The following TESPA1 variants were observed in gnomAD, a reference collection of about 807,000 sequenced individuals.
TESPA1 encodes thymocyte expressed, positive selection associated 1.
TESPA1 carries 33 observed loss-of-function variants against 57.9 expected under a neutral mutation model. The observed-to-expected ratio is 0.57, with a 90% confidence interval of 0.43 to 0.76. TESPA1 has a LOEUF of 0.76. TESPA1 is among the 30% of genes least tolerant of loss of function. The pLI, the probability that TESPA1 is intolerant of heterozygous loss-of-function variation, is 0.00. For synonymous variants in TESPA1, 227 were observed against 228.9 expected (o/e 0.99, Z 0.07); for missense variants, 618 against 632.9 (o/e 0.98, Z 0.25).
At chr12:54,967,355 G>T in intron 4 of TESPA1, 119 bp from the exon 5 acceptor site, 1 of 1,132,904 alleles carries the variant, frequency 8.8e-7, no homozygotes, top group Non-Finnish European at 1.3e-6. Context: ...TGCACAACCA[G>T]ATAATCATAC....
intron 1 of TESPA1, among the ~76,000 whole-genome samples, chr12:54,979,686 AGTTAAGAGCT>A (rs1952245575): frequency 6.6e-6 from 1 of 152,214 alleles, no homozygotes; most frequent in Non-Finnish European, 1.5e-5. Context: ...AAGATGAGGG[AGTTAAGAGCT>A]GTGAAATGAG....
At chr12:54,976,176 C>T (rs1565171) in intron 1 of TESPA1, among the ~76,000 whole-genome samples, 1 of 151,970 alleles carries the variant, frequency 6.6e-6, no homozygotes, top group South Asian at 2.1e-4. Context: ...TCCATTAAAT[C>T]GTGATGTTTG....
chr12:54,961,060 A>T, intron 10 of TESPA1, 108 bp downstream of exon 10: 1 of 1,271,538 alleles, frequency 7.9e-7, no homozygotes, highest in South Asian at 1.3e-5. Context: ...TTAAATCAGA[A>T]TTACAGAATG....
At chr12:54,983,904 A>G (rs550347519) in intron 1 of TESPA1, 23 of 152,326 alleles carry the variant, frequency 1.5e-4, no homozygotes, top group African/African-American at 5.1e-4. Flanking sequence ...CAACACATCC[A>G]TCTATCTATC....
At chr12:54,953,030 A>T (rs2371051) in intron 10 of TESPA1, among the ~76,000 whole-genome samples, 31,052 of 151,394 alleles carry the variant, frequency 0.21, 5,410 homozygotes, top group East Asian at 0.84. Flanking sequence ...CTCTATTCCC[A>T]CTGCCTTCAG....
At chr12:54,958,590 T>C (rs146794241) in intron 10 of TESPA1, among the ~76,000 whole-genome samples, 2 of 152,304 alleles carry the variant, frequency 1.3e-5, no homozygotes, top group East Asian at 3.9e-4. Flanking sequence ...CAATTATTAT[T>C]GTTTCAGATA....
chr12:54,952,684 G>A (rs74700698), intron 10 of TESPA1, among the ~76,000 whole-genome samples: 2,674 of 152,242 alleles, frequency 0.018, 73 homozygotes, highest in African/African-American at 0.061. Flanking sequence ...TTCTCAAATA[G>A]TCTTTGGACC....
In TESPA1 at chr12:54,963,781, G is replaced by A. The variant is rs201890060; in HGVS notation, c.616C>T (p.Arg206Trp). 1.7e-4 allele frequency: 276 copies of A among 1,613,684 alleles called. No homozygotes were observed. The highest frequency in any genetic ancestry group is 1.3e-4 in the Admixed American group (8 of 59,990). The change falls in exon 8 of 11, where the codon CGG becomes TGG. Residue 206 changes from arginine (R) to tryptophan (W), a missense_variant. This residue lies in a region of TESPA1 where 409 missense variants were observed against 420.1 expected (regional missense o/e 0.97). Transcript: ENST00000449076. ...DFQLFLKSQVRRIEMEDPCLM... is the reference protein window; with the variant it reads ...DFQLFLKSQVWRIEMEDPCLM... ...CAGGGGTCTTCCATTTCAATCCTCC[G>A]CACCTGGGACTTCAGGAAGAGCTGG... is the stretch of plus-strand genomic sequence containing the variant.
chr12:54,958,433 CCTTTA>C (rs1245930484), intron 10 of TESPA1, among the ~76,000 whole-genome samples: 4 of 151,440 alleles, frequency 2.6e-5, no homozygotes, highest in Non-Finnish European at 5.9e-5. Context: ...ATGATTTTTC[CCTTTA>C]CTTGTGATTT....
chr12:54,978,461 C>T (rs957259188), intron 1 of TESPA1, among the ~76,000 whole-genome samples: 2 of 152,112 alleles, frequency 1.3e-5, no homozygotes, highest in African/African-American at 4.8e-5. Flanking sequence ...GAATAGTACC[C>T]ATAAAAGAAA....
rs1294572294 is a variant in TESPA1, at chr12:54,948,934, A to T, written c.*1458T>A. On this transcript the variant is annotated 3_prime_UTR_variant, in exon 11 of 11. Transcript: ENST00000449076. ...TTGCTGTAGTTCTTTCTATTTCTTG[A>T]GATCTAAATCTTCTTCCAGCCTCTT... is the stretch of plus-strand genomic sequence containing the variant. 1 of 152,144 alleles carries T rather than the reference A, an allele frequency of 6.6e-6. No homozygotes were observed. Among genetic ancestry groups the T allele is most frequent in the Non-Finnish European group, 1.5e-5 (1 of 68,036 alleles). The allele number at this position is 152,144 out of a possible 1,614,324, so 9.4% of individuals were successfully genotyped here. A position where few individuals can be genotyped will look rare whatever the true frequency, so the allele number is the denominator to read the frequency against.
intron 5 of TESPA1, 30 bp from the exon 6 acceptor site, chr12:54,966,454 A>T: frequency 6.2e-7 from 1 of 1,607,830 alleles, no homozygotes; most frequent in Non-Finnish European, 8.5e-7. Context: ...GCAAAGAGCA[A>T]ATTAGAAGGG....
intron 1 of TESPA1, among the ~76,000 whole-genome samples, chr12:54,974,845 A>T (rs749277883): frequency 1.3e-5 from 2 of 152,240 alleles, no homozygotes; most frequent in Non-Finnish European, 2.9e-5. Flanking sequence ...AGCTTCAAAC[A>T]TCATGATTTA....
rs771381538 is a variant in TESPA1, at chr12:54,967,893, C to T, written c.207-1G>A. On this transcript the variant is annotated splice_acceptor_variant, in intron 3 of 10. Coordinates refer to ENST00000449076, the MANE Select transcript of TESPA1 (RefSeq NM_001136030.3). LOFTEE classifies it high-confidence loss of function. ...CTCAGAAAATCCTTCTTCAGAGTAT[C>T]TAAACCAAAAACAGTCTTATAGGTT... 1 of 1,613,564 alleles carries T rather than the reference C, an allele frequency of 6.2e-7. No homozygotes were observed. Among genetic ancestry groups the T allele is most frequent in the African/African-American group, 1.3e-5 (1 of 75,006 alleles).
chr12:54,959,075 G>A (rs745936051), intron 10 of TESPA1, among the ~76,000 whole-genome samples: 4 of 152,300 alleles, frequency 2.6e-5, no homozygotes, highest in Admixed American at 1.3e-4. Context: ...GCGATGTACT[G>A]AGTAAAAGAA....
In TESPA1 at chr12:54,967,168, A is replaced by G. The variant is rs369384601; in HGVS notation, c.310+15T>C. Reference sequence around the variant, plus strand: ...CTGTTTTCTCATCCCAACCTCAGAGAACTGTGCCACTTACCCTCCGCTCCC... The same window carrying G: ...CTGTTTTCTCATCCCAACCTCAGAGGACTGTGCCACTTACCCTCCGCTCCC... On this transcript the variant is annotated intron_variant, in intron 5 of 10. Transcript: ENST00000449076. 2.0e-5 allele frequency: 32 copies of G among 1,612,758 alleles called. No homozygotes were observed. Among genetic ancestry groups the G allele is most frequent in the Non-Finnish European group, 2.6e-5 (31 of 1,179,630 alleles).
chr12:54,982,065 C>T (rs759328405), intron 1 of TESPA1: 3 of 152,238 alleles, frequency 2.0e-5, no homozygotes, highest in Non-Finnish European at 4.4e-5. Flanking sequence ...TCATTACCAT[C>T]GCAGAGCTGC....
At chr12:54,955,662 G>A (rs915612383) in intron 10 of TESPA1, among the ~76,000 whole-genome samples, 1 of 152,188 alleles carries the variant, frequency 6.6e-6, no homozygotes, top group South Asian at 2.1e-4. Flanking sequence ...TTCGTTCTGT[G>A]TTTGCAATCT....
At chr12:54,963,541 A>G (rs1377542373) in intron 8 of TESPA1, among the ~76,000 whole-genome samples, 1 of 152,222 alleles carries the variant, frequency 6.6e-6, no homozygotes, top group Non-Finnish European at 1.5e-5. Flanking sequence ...AGTGGCCTGA[A>G]GTCTCTTAAA....
Sources: gnomAD v4.1 joint callset for allele counts (sites outside exome capture counted in the v4.1 genomes callset) on GRCh38, gnomAD v4.1.1 for gene constraint, gnomAD v4.1.1 regional missense constraint, MANE v1.5 for transcripts, NCBI Gene and HGNC (gene_info 2026-07-23, HGNC 2026-07-21) for gene names.